Variants in BBX observed in about 807,000 individuals in gnomAD.
The protein encoded by BBX is HMG box transcription factor BBX.
BBX carries 30 observed loss-of-function variants against 100.2 expected under a neutral mutation model. The ratio of observed to expected loss-of-function variants is 0.30; its 90% confidence interval spans 0.22 to 0.41. BBX has a LOEUF of 0.41. BBX is among the 10% of genes least tolerant of loss of function. BBX has a pLI of 1.00. For synonymous variants in BBX, 376 were observed against 388.1 expected (o/e 0.97, Z 0.37); for missense variants, 1,023 against 1,129.8 (o/e 0.91, Z 1.35).
chr3:107,723,536 A>G (rs1381331999), intron 5 of BBX, among the ~76,000 whole-genome samples: 2 of 151,858 alleles, frequency 1.3e-5, no homozygotes, highest in African/African-American at 4.8e-5. Flanking sequence ...CATTAGGTAT[A>G]TCTCCTAATG....
intron 12 of BBX, chr3:107,776,120 G>A (rs7636847): frequency 0.97 from 148,071 of 152,224 alleles, 72,132 homozygotes; most frequent in Middle Eastern, 1. Context: ...TCTGTAGTCT[G>A]GAATTACTGC....
At chr3:107,568,703 T>C (rs2051121485) in intron 2 of BBX, among the ~76,000 whole-genome samples, 1 of 152,188 alleles carries the variant, frequency 6.6e-6, no homozygotes, top group Admixed American at 6.5e-5. Flanking sequence ...TTCTTTCTTT[T>C]GCATTCTGGG....
At chr3:107,626,021 A>G (rs182700002) in intron 2 of BBX, among the ~76,000 whole-genome samples, 124 of 152,312 alleles carry the variant, frequency 8.1e-4, no homozygotes, top group Non-Finnish European at 1.2e-3. Context: ...TTACTTACAC[A>G]TAAGTTCTGG....
chr3:107,548,229 AC>A (rs1255588447), intron 2 of BBX, among the ~76,000 whole-genome samples: 1 of 152,178 alleles, frequency 6.6e-6, no homozygotes, highest in Non-Finnish European at 1.5e-5. Context: ...AATAATAGTT[AC>A]CTTTTGAAGT....
At chr3:107,766,902 G>C (rs1194477250) in intron 10 of BBX, among the ~76,000 whole-genome samples, 2 of 152,198 alleles carry the variant, frequency 1.3e-5, no homozygotes, top group Non-Finnish European at 2.9e-5. Context: ...CATGTCCTTT[G>C]CAAGGACATG....
intron 7 of BBX, among the ~76,000 whole-genome samples, chr3:107,738,477 A>T (rs1043597625): frequency 5.9e-5 from 9 of 152,192 alleles, no homozygotes; most frequent in South Asian, 2.1e-4. Context: ...CTAACTCTTA[A>T]TCCTTGTAAC....
intron 2 of BBX, among the ~76,000 whole-genome samples, chr3:107,544,177 A>G (rs976073691): frequency 2.0e-5 from 3 of 152,242 alleles, no homozygotes; most frequent in African/African-American, 7.2e-5. Flanking sequence ...CTGAACTTCC[A>G]GAAAATACTA....
rs566190018 is a variant in BBX at position 107,690,375 on chromosome 3, G to A, written c.-9-20077G>A. On this transcript the variant is annotated intron_variant, in intron 3 of 17. Coordinates refer to ENST00000325805, the MANE Select transcript of BBX (RefSeq NM_001142568.3). ...AACATAATGCCATTGTGTAAATATGGAAAGGCTTGGTTAGACACTTATCAC... is the reference window on the plus strand; with the variant it reads ...AACATAATGCCATTGTGTAAATATGAAAAGGCTTGGTTAGACACTTATCAC... Among the ~76,000 whole-genome samples the A allele has an allele frequency of 3.9e-5, 6 of 152,224 alleles. No homozygotes were observed. The East Asian group carries it at 1.2e-3, about 29-fold the overall frequency.
At chr3:107,655,339 G>A (rs1576196817) in intron 3 of BBX, among the ~76,000 whole-genome samples, 1 of 152,016 alleles carries the variant, frequency 6.6e-6, no homozygotes, top group Admixed American at 6.6e-5. Context: ...CCTGCTATTA[G>A]TATTAACAAG....
chr3:107,637,866 C>T (rs910569157), intron 2 of BBX, among the ~76,000 whole-genome samples: 3 of 152,020 alleles, frequency 2.0e-5, no homozygotes, highest in African/African-American at 4.8e-5. Flanking sequence ...CCTTCTTTCC[C>T]TCCCTTCTTT....
At chr3:107,723,009 A>G (rs1441980169) in intron 5 of BBX, among the ~76,000 whole-genome samples, 1 of 152,034 alleles carries the variant, frequency 6.6e-6, no homozygotes, top group Admixed American at 6.6e-5. Flanking sequence ...TATTGCATAT[A>G]TGATTATACA....
intron 3 of BBX, among the ~76,000 whole-genome samples, chr3:107,705,756 G>A (rs1158564550): frequency 6.6e-6 from 1 of 152,070 alleles, no homozygotes; most frequent in Non-Finnish European, 1.5e-5. Context: ...CACTGTGCTG[G>A]GTATTACATG....
At position 107,772,861 on chromosome 3, in the gene BBX, C is replaced by T. The variant is rs1367122493; in HGVS notation, c.1140C>T (p.Asp380=). Residue 380 remains aspartate (D), a synonymous_variant, in exon 11 of 18, where the codon GAC becomes GAT. Coordinates refer to ENST00000325805, the MANE Select transcript of BBX (RefSeq NM_001142568.3). Reference sequence around the variant, plus strand: ...ATTTTGAGGCATTGCAAATAGATGACATAATGGCTATAAAAATGGAAGATC... The same window carrying T: ...ATTTTGAGGCATTGCAAATAGATGATATAATGGCTATAAAAATGGAAGATC... ...LRNFEALQID[D]IMAIKMEDPK... 2 of 1,613,204 alleles carry T rather than the reference C, an allele frequency of 1.2e-6. No homozygotes were observed. Among genetic ancestry groups the T allele is most frequent in the Non-Finnish European group, 8.5e-7 (1 of 1,179,822 alleles).
chr3:107,780,263 T>C (rs1335642479), intron 13 of BBX, among the ~76,000 whole-genome samples: 1 of 152,128 alleles, frequency 6.6e-6, no homozygotes, highest in Non-Finnish European at 1.5e-5. Flanking sequence ...ACTTAATTGA[T>C]AGATGTGCAG....
intron 2 of BBX, among the ~76,000 whole-genome samples, chr3:107,579,171 C>T (rs1020319115): frequency 6.6e-6 from 1 of 152,086 alleles, no homozygotes. Context: ...TTAAGATAGG[C>T]TTTATTGTTT....
At chr3:107,717,726 T>C (rs1268568102) in intron 5 of BBX, among the ~76,000 whole-genome samples, 5 of 152,154 alleles carry the variant, frequency 3.3e-5, no homozygotes, top group Non-Finnish European at 7.4e-5. Context: ...CATGGTTCTT[T>C]TACTATATTT....
chr3:107,653,847 G>A (rs2057986463), intron 3 of BBX, among the ~76,000 whole-genome samples: 1 of 152,120 alleles, frequency 6.6e-6, no homozygotes, highest in South Asian at 2.1e-4. Flanking sequence ...GGTGAGCACT[G>A]TCCTAATAAG....
At chr3:107,778,052 T>C (rs2067471325) in intron 12 of BBX, among the ~76,000 whole-genome samples, 1 of 152,080 alleles carries the variant, frequency 6.6e-6, no homozygotes, top group South Asian at 2.1e-4. Flanking sequence ...TAGAGTATGC[T>C]TTGTACTGAA....
intron 3 of BBX, among the ~76,000 whole-genome samples, chr3:107,700,638 T>G (rs2060973872): frequency 7.3e-6 from 1 of 136,334 alleles, no homozygotes; most frequent in Non-Finnish European, 1.5e-5. Flanking sequence ...CCTTCCTGTG[T>G]CCATGTGTTC....
Sources: gnomAD v4.1 joint callset for allele counts (sites outside exome capture counted in the v4.1 genomes callset) on GRCh38, gnomAD v4.1.1 for gene constraint, MANE v1.5 for transcripts, NCBI Gene and HGNC (gene_info 2026-07-23, HGNC 2026-07-21) for gene names.